ANKRD2: variants seen among roughly 807,000 people sequenced by gnomAD.
The protein encoded by ANKRD2 is ankyrin repeat domain 2.
In ANKRD2, 35 loss-of-function variants were observed where a neutral mutation model predicts 37.3. The observed-to-expected ratio is 0.94, with a 90% CI of 0.72 to 1.24. The LOEUF (loss-of-function observed/expected upper bound fraction) is 1.24. Among genes scored for constraint, ANKRD2 ranks in the 50% most tolerant of loss-of-function variants. The pLI, the probability that ANKRD2 is intolerant of heterozygous loss-of-function variation, is 0.00. For synonymous variants in ANKRD2, 159 were observed against 186.5 expected (o/e 0.85, Z 1.20); for missense variants, 410 against 445.6 (o/e 0.92, Z 0.72).
intron 4 of ANKRD2, among the ~76,000 whole-genome samples, chr10:97,580,157 TACAAAAAA>T (rs2040879112): frequency 6.6e-6 from 1 of 151,716 alleles, no homozygotes; most frequent in African/African-American, 2.4e-5. Context: ...GGTGCCAGAA[TACAAAAAA>T]ACAAAAAAAG....
chr10:97,572,573 T>C, upstream of ANKRD2: 2 of 1,130,298 alleles, frequency 1.8e-6, no homozygotes, highest in East Asian at 5.2e-5. Context: ...CACAGTGCCC[T>C]CCGGCTCTAA....
intron 1 of ANKRD2, among the ~76,000 whole-genome samples, chr10:97,574,928 C>T (rs77258088): frequency 0.036 from 5,357 of 148,740 alleles, 322 homozygotes; most frequent in African/African-American, 0.13. Context: ...AGCAAGGGGA[C>T]GCAGAGCAGT....
At chr10:97,580,210 C>T (rs993663504) in intron 4 of ANKRD2, among the ~76,000 whole-genome samples, 11 of 152,262 alleles carry the variant, frequency 7.2e-5, no homozygotes, top group African/African-American at 2.4e-4. Flanking sequence ...AGGGTTGGTT[C>T]CTTGGGGAGA....
Position 97,583,635 on chromosome 10 carries a change from G to A in ANKRD2, c.912G>A (p.Leu304=). ...GGCAGGCTGATACCCGGCACGCCCTGGAGCATCCTGAGCCGGGGGCTGAGC... is the reference window on the plus strand; with the variant it reads ...GGCAGGCTGATACCCGGCACGCCCTAGAGCATCCTGAGCCGGGGGCTGAGC... ...QLWQADTRHA[L]EHPEPGAEHN... is the part of the protein sequence containing the mutation. Residue 304 remains leucine (L), a synonymous_variant, in exon 9 of 9, where the codon CTG becomes CTA. Coordinates refer to ENST00000370655, the MANE Select transcript of ANKRD2 (RefSeq NM_001346793.2). The A allele has an allele frequency of 6.2e-7, 1 of 1,606,596 alleles. No individual in the cohort carries two copies. The highest frequency in any genetic ancestry group is 8.5e-7 in the Non-Finnish European group (1 of 1,177,114).
chr10:97,583,408 G>C (rs2040928296), intron 8 of ANKRD2, among the ~76,000 whole-genome samples, 168 bp from the exon 9 acceptor site: 2 of 152,156 alleles, frequency 1.3e-5, no homozygotes, highest in Admixed American at 1.3e-4. Context: ...CTAGATGCCA[G>C]TAGTACCCAT....
At position 97,582,310 on chromosome 10, in the gene ANKRD2, C is replaced by T. The variant is rs537471247; in HGVS notation, c.655-5C>T. The T allele has an allele frequency of 4.2e-4, 646 of 1,553,462 alleles. 4 individuals are homozygous for T. The South Asian group carries it at 7.1e-3, about 17-fold the overall frequency. ...AACTAGCAGTTCCTGATTCCTCCCA[C>T]CCAGCTGCTGAGCACCCCGCTGCAC... On this transcript the variant is annotated splice_polypyrimidine_tract_variant and splice_region_variant and intron_variant, in intron 6 of 8. Transcript: ENST00000370655.
chr10:97,578,436 G>C (rs748267073), intron 3 of ANKRD2, 38 bp downstream of exon 3: 1 of 1,610,274 alleles, frequency 6.2e-7, no homozygotes, highest in Non-Finnish European at 8.5e-7. Context: ...GGGGGCGGAG[G>C]GGGAGCCCGG....
intron 4 of ANKRD2, 131 bp from the exon 5 acceptor site, chr10:97,580,724 C>T: frequency 1.5e-6 from 1 of 679,290 alleles, no homozygotes; most frequent in Non-Finnish European, 2.5e-6. Context: ...GCTGGCAGAA[C>T]ACAGAAAACA....
intron 1 of ANKRD2, among the ~76,000 whole-genome samples, chr10:97,574,582 C>T (rs1420012156): frequency 9.2e-5 from 14 of 152,170 alleles, no homozygotes; most frequent in Non-Finnish European, 2.9e-5. Context: ...AGGAAAGCAG[C>T]TCTGATGGCC....
intron 1 of ANKRD2, among the ~76,000 whole-genome samples, chr10:97,575,797 G>C (rs2040819723): frequency 6.6e-6 from 1 of 152,024 alleles, no homozygotes; most frequent in Admixed American, 6.6e-5. Flanking sequence ...TGTAGTCCCA[G>C]CTACTCAGGA....
chr10:97,582,400 A>G lies in ANKRD2; in HGVS notation c.740A>G (p.Asn247Ser). The change falls in exon 7 of 9, where the codon AAT becomes AGT. Residue 247 changes from asparagine (N) to serine (S), a missense_variant. Physicochemically the swap from Asn to Ser is conservative, Grantham distance 46 (BLOSUM62 1). Transcript: ENST00000370655. ...EHFLSLGLEI[N>S]ARDREGDTAL... ...TTTCTATCCCTGGGCCTGGAAATCA[A>G]TGCCAGAGACAGGGTGAGTGCTAGC... 6.4e-7 allele frequency: 1 copy of G among 1,565,428 alleles called. No homozygotes were observed. The highest frequency in any genetic ancestry group is 8.7e-7 in the Non-Finnish European group (1 of 1,154,740).
In ANKRD2 at chr10:97,582,364, TTG is replaced by T. The variant is rs757564823; in HGVS notation, c.707_708del (p.Val236GlyfsTer23). 1.7e-5 allele frequency: 27 copies of T among 1,562,244 alleles called. No individual in the cohort carries two copies. The African/African-American group carries it at 3.4e-4, about 20-fold the overall frequency. Reference sequence around the variant, plus strand: ...GCAGTCCGGACAGGGCAGGTGGAGATTGTGGAGCACTTTCTATCCCTGGGCCT... The same window carrying T: ...GCAGTCCGGACAGGGCAGGTGGAGATTGGAGCACTTTCTATCCCTGGGCCT... On this transcript the variant is annotated frameshift_variant, in exon 7 of 9. Coordinates refer to ENST00000370655, the MANE Select transcript of ANKRD2 (RefSeq NM_001346793.2). LOFTEE classifies it high-confidence loss of function.
At position 97,577,877 on chromosome 10, in the gene ANKRD2, G is replaced by T; in HGVS notation, c.165G>T (p.Gln55His). The change falls in exon 2 of 9, where the codon CAG (glutamine) becomes CAT (histidine). Residue 55 changes from glutamine (Q) to histidine (H), a missense_variant. By Grantham distance (24) the Gln-to-His change is conservative. Transcript: ENST00000370655. ...VLEDEKHHGA[Q>H]SAALQKVKGQ... ...AGGATGAGAAGCACCACGGGGCTCAGAGTGCAGCCCTGCAGAAGGTGAAGG... is the reference window on the plus strand; with the variant it reads ...AGGATGAGAAGCACCACGGGGCTCATAGTGCAGCCCTGCAGAAGGTGAAGG... 6.4e-7 allele frequency: 1 copy of T among 1,568,698 alleles called. No homozygotes were observed. Among genetic ancestry groups the T allele is most frequent in the African/African-American group, 1.3e-5 (1 of 74,524 alleles).
intron 2 of ANKRD2, 95 bp from the exon 3 acceptor site, chr10:97,578,145 C>CCCCCCCCCCCCCCCCCCCCCCCAA: frequency 2.7e-6 from 1 of 376,492 alleles, no homozygotes; most frequent in Non-Finnish European, 5.2e-6. Context: ...GGTCTTCCTG[C>CCCCCCCCCCCCCCCCCCCCCCCAA]CCACCCCACC....
chr10:97,582,750 C>G (rs368120373), intron 8 of ANKRD2, 48 bp downstream of exon 8: 1 of 1,565,278 alleles, frequency 6.4e-7, no homozygotes, highest in African/African-American at 1.4e-5. Flanking sequence ...AGCACTCATA[C>G]AGTGGAGGTG....
At position 97,580,769 on chromosome 10, in the gene ANKRD2, G is replaced by C. The variant is rs1290988474; in HGVS notation, c.457-86G>C. The C allele has an allele frequency of 3.0e-6, 3 of 983,834 alleles. No homozygotes were observed. The African/African-American group carries it at 4.9e-5, about 16-fold the overall frequency. 60.9% of individuals were successfully genotyped at this position (983,834 alleles called of 1,614,324 possible). A position where few individuals can be genotyped will look rare whatever the true frequency, so the allele number is the denominator to read the frequency against. On this transcript the variant is annotated intron_variant, in intron 4 of 8. Transcript: ENST00000370655. ...AGCACAGGGGTGAGAATCAAGCTGG[G>C]GGGAAGGCCTGGGCCTCAGCTTGGG...
chr10:97,582,357 G>T lies in ANKRD2; in HGVS notation c.697G>T (p.Val233Leu). ...GCACGTGGCAGTCCGGACAGGGCAG[G>T]TGGAGATTGTGGAGCACTTTCTATC... Reference protein sequence around the residue: ...PLHVAVRTGQVEIVEHFLSLG... With the variant: ...PLHVAVRTGQLEIVEHFLSLG... Residue 233 changes from valine (V) to leucine (L), a missense_variant, in exon 7 of 9, where the codon GTG (valine) becomes TTG (leucine). Physicochemically the swap from Val to Leu is conservative, Grantham distance 32. Coordinates refer to ENST00000370655, the MANE Select transcript of ANKRD2 (RefSeq NM_001346793.2). The T allele has an allele frequency of 2.6e-6, 4 of 1,561,332 alleles. No individual in the cohort carries two copies. The Middle Eastern group carries it at 6.7e-4, about 260-fold the overall frequency.
In ANKRD2 at chr10:97,577,789, T is replaced by C. The variant is rs901301880; in HGVS notation, c.88-11T>C. 1 of 1,550,238 alleles carries C rather than the reference T, an allele frequency of 6.5e-7. No homozygotes were observed. Among genetic ancestry groups the C allele is most frequent in the Admixed American group, 2.0e-5 (1 of 50,748 alleles). ...CGGGTCCTGGAGAAGGTGCCCTCTT[T>C]GGATCACCAGAAACTCCGAGGAGAC... On this transcript the variant is annotated splice_polypyrimidine_tract_variant and intron_variant, in intron 1 of 8. Transcript: ENST00000370655.
At chr10:97,578,147 C>A in intron 2 of ANKRD2, 93 bp from the exon 3 acceptor site, 1 of 718,810 alleles carries the variant, frequency 1.4e-6, no homozygotes, top group Admixed American at 2.6e-5. Flanking sequence ...TCTTCCTGCC[C>A]ACCCCACCCT....
Sources: gnomAD v4.1 joint callset for allele counts (sites outside exome capture counted in the v4.1 genomes callset) on GRCh38, gnomAD v4.1.1 for gene constraint, MANE v1.5 for transcripts, NCBI Gene and HGNC (gene_info 2026-07-23, HGNC 2026-07-21) for gene names.